TMEM150C: variants seen among roughly 807,000 people sequenced by gnomAD.
The protein encoded by TMEM150C is tentonin 3.
In TMEM150C, 10 loss-of-function variants were observed where a neutral mutation model predicts 29.9. The observed-to-expected ratio is 0.33, with a 90% CI of 0.21 to 0.57. The LOEUF is 0.57. Among genes scored for constraint, TMEM150C ranks in the 20% least tolerant of loss-of-function variants. The pLI, the probability that TMEM150C is intolerant of heterozygous loss-of-function variation, is 0.88. For synonymous variants in TMEM150C, 101 were observed against 112.5 expected, an observed-to-expected ratio of 0.90 and a Z score of 0.64; for missense variants, 251 against 303.6, an observed-to-expected ratio of 0.83 and a Z score of 1.29.
At chr4:82,493,836 T>A (rs2110064557) in intron 6 of TMEM150C, among the ~76,000 whole-genome samples, 1 of 152,324 alleles carries the variant, frequency 6.6e-6, no homozygotes, top group Non-Finnish European at 1.5e-5. Flanking sequence ...CCTCAGCCAA[T>A]ATATTCTAAG....
At chr4:82,525,846 T>C (rs1724634701) in intron 1 of TMEM150C, among the ~76,000 whole-genome samples, 2 of 151,894 alleles carry the variant, frequency 1.3e-5, no homozygotes, top group Admixed American at 1.3e-4. Context: ...AAGCAGGTAG[T>C]GGAGAAAGGC....
chr4:82,521,342 T>C (rs1186684453), intron 1 of TMEM150C, among the ~76,000 whole-genome samples: 1 of 152,180 alleles, frequency 6.6e-6, no homozygotes, highest in Non-Finnish European at 1.5e-5. Flanking sequence ...CCCATAGCAG[T>C]GTTCAATAAG....
At chr4:82,551,650 G>C (rs1249870658) in intron 1 of TMEM150C, among the ~76,000 whole-genome samples, 1 of 152,018 alleles carries the variant, frequency 6.6e-6, no homozygotes, top group Non-Finnish European at 1.5e-5. Flanking sequence ...ATAAGACTCA[G>C]CTTGGGTGTC....
At position 82,495,176 on chromosome 4, in the gene TMEM150C, CTCAGGCCTGTAA is replaced by C. The variant is rs1293064394; in HGVS notation, c.363+880_363+891del. On this transcript the variant is annotated intron_variant, in intron 6 of 7. Coordinates refer to ENST00000449862, the MANE Select transcript of TMEM150C (RefSeq NM_001080506.3). ...TGAAAAGTTTGACCAGGCGCGGTGG[CTCAGGCCTGTAA>C]TCCCAGCAACTTGGGAGGCCGAGGC... is the stretch of plus-strand genomic sequence containing the variant. 7.8e-5 allele frequency: 29 copies of C among 372,134 alleles called. No homozygotes were observed. In the Admixed American group the frequency reaches 9.1e-4, roughly 12 times the overall value. The allele number at this position is 372,134 out of a possible 1,614,324, so 23.1% of individuals were successfully genotyped here.
chr4:82,489,496 G>T (rs898708016), intron 7 of TMEM150C, among the ~76,000 whole-genome samples: 1 of 152,014 alleles, frequency 6.6e-6, no homozygotes, highest in Non-Finnish European at 1.5e-5. Context: ...ATTCTCAATT[G>T]GTTCAAACTC....
At chr4:82,538,934 C>T (rs568282656) in intron 1 of TMEM150C, among the ~76,000 whole-genome samples, 1 of 152,062 alleles carries the variant, frequency 6.6e-6, no homozygotes, top group Non-Finnish European at 1.5e-5. Flanking sequence ...GGTGTGGTGT[C>T]GCACACCTGT....
chr4:82,550,484 T>C (rs1046374156), intron 1 of TMEM150C, among the ~76,000 whole-genome samples: 1 of 151,460 alleles, frequency 6.6e-6, no homozygotes, highest in Non-Finnish European at 1.5e-5. Flanking sequence ...AATGAAAAAA[T>C]AGATTGAGGA....
At chr4:82,492,699 T>C (rs1240863785) in intron 6 of TMEM150C, among the ~76,000 whole-genome samples, 2 of 148,438 alleles carry the variant, frequency 1.3e-5, no homozygotes, top group Non-Finnish European at 3.0e-5. Context: ...TATATACATC[T>C]ATACATATGT....
chr4:82,488,544 C>A (rs533640393), intron 7 of TMEM150C, among the ~76,000 whole-genome samples: 1 of 152,084 alleles, frequency 6.6e-6, no homozygotes, highest in Non-Finnish European at 1.5e-5. Flanking sequence ...CCTTTAGGAA[C>A]CTTGATTCCT....
At position 82,483,837 on chromosome 4, in the gene TMEM150C, G is replaced by C. The variant is rs1723074118; in HGVS notation, c.*1674C>G. On this transcript the variant is annotated 3_prime_UTR_variant, in exon 8 of 8. Coordinates refer to ENST00000449862, the MANE Select transcript of TMEM150C (RefSeq NM_001080506.3). ...GGAGTTTTTAGCTCTTTTTGCCCAG[G>C]CTGGAGTGCAATGGCGTGATCTCGT... 1 of 150,462 alleles carries C rather than the reference G, an allele frequency of 6.6e-6. No homozygotes were observed. Among genetic ancestry groups the C allele is most frequent in the African/African-American group, 2.5e-5 (1 of 40,618 alleles). The allele number at this position is 150,462 out of a possible 1,614,324, so 9.3% of individuals were successfully genotyped here.
At chr4:82,506,083 G>T (rs1310558408) in intron 1 of TMEM150C, among the ~76,000 whole-genome samples, 1 of 147,926 alleles carries the variant, frequency 6.8e-6, no homozygotes, top group Non-Finnish European at 1.5e-5. Flanking sequence ...ACAAGTTGTT[G>T]TTTTTTTTTT....
intron 1 of TMEM150C, among the ~76,000 whole-genome samples, chr4:82,518,380 G>A (rs1405316241): frequency 6.6e-6 from 1 of 151,950 alleles, no homozygotes; most frequent in Non-Finnish European, 1.5e-5. Flanking sequence ...CCTCTGGCCA[G>A]TGTGCCCCTC....
chr4:82,541,659 C>T (rs566046454), intron 1 of TMEM150C, among the ~76,000 whole-genome samples: 1 of 152,140 alleles, frequency 6.6e-6, no homozygotes, highest in South Asian at 2.1e-4. Context: ...AATTTGTACA[C>T]ATTTATTGAA....
Position 82,485,428 on chromosome 4 carries a change from T to A in TMEM150C, c.*83A>T. The A allele has an allele frequency of 9.6e-7, 1 of 1,041,300 alleles. No individual in the cohort carries two copies. The highest frequency in any genetic ancestry group is 1.4e-6 in the Non-Finnish European group (1 of 695,402). 64.5% of individuals were successfully genotyped at this position (1,041,300 alleles called of 1,614,324 possible). On this transcript the variant is annotated 3_prime_UTR_variant, in exon 8 of 8. Transcript: ENST00000449862. ...TGTGTGTGTGTGTGTGAAATGAGGT[T>A]CTATGTCAAGTCCTGTGAGTGTGTC...
At chr4:82,504,216 G>C (rs147282619) in intron 2 of TMEM150C, among the ~76,000 whole-genome samples, 75 of 151,598 alleles carry the variant, frequency 4.9e-4, no homozygotes, top group African/African-American at 1.7e-3. Context: ...CTATTTTTTG[G>C]GGGGGTGGGG....
chr4:82,553,714 A>G (rs1335955171), intron 1 of TMEM150C, among the ~76,000 whole-genome samples: 1 of 152,252 alleles, frequency 6.6e-6, no homozygotes, highest in Middle Eastern at 3.2e-3. Context: ...ATAAAAAGCA[A>G]CATTTCTGAA....
intron 6 of TMEM150C, among the ~76,000 whole-genome samples, chr4:82,494,600 C>G (rs1723475284): frequency 6.6e-6 from 1 of 152,118 alleles, no homozygotes. Flanking sequence ...GTATAAACCA[C>G]TTGGAAATCC....
At chr4:82,542,728 G>A (rs976875537) in intron 1 of TMEM150C, among the ~76,000 whole-genome samples, 5 of 152,208 alleles carry the variant, frequency 3.3e-5, no homozygotes, top group Admixed American at 3.3e-4. Flanking sequence ...AGGCAGGTCA[G>A]TTCAAGCTCA....
chr4:82,547,374 A>C (rs1725420706), intron 1 of TMEM150C, among the ~76,000 whole-genome samples: 1 of 152,034 alleles, frequency 6.6e-6, no homozygotes, highest in Non-Finnish European at 1.5e-5. Context: ...GGATCATTTG[A>C]GGTCAGGAGT....
Sources: gnomAD v4.1 joint callset for allele counts (sites outside exome capture counted in the v4.1 genomes callset) on GRCh38, gnomAD v4.1.1 for gene constraint, MANE v1.5 for transcripts, NCBI Gene and HGNC (gene_info 2026-07-23, HGNC 2026-07-21) for gene names.